TLE4: variants seen among roughly 807,000 people sequenced by gnomAD.
TLE4 encodes TLE family member 4, transcriptional corepressor.
TLE4 carries 8 observed loss-of-function variants against 92.8 expected under a neutral mutation model. The ratio of observed to expected loss-of-function variants is 0.09; its 90% CI spans 0.05 to 0.16. The LOEUF (loss-of-function observed/expected upper bound fraction) is 0.16. Ranked by LOEUF, TLE4 falls within the 10% of genes least tolerant of loss-of-function variation. TLE4 has a pLI of 1.00. For synonymous variants in TLE4, 371 were observed against 374.1 expected (o/e 0.99, Z 0.10); for missense variants, 675 against 997.6 (o/e 0.68, Z 4.36).
intron 4 of TLE4, chr9:79,576,434 A>G (rs779812712): frequency 7.3e-6 from 2 of 275,020 alleles, no homozygotes; most frequent in African/African-American, 2.2e-5. Flanking sequence ...CAAAAGCAGG[A>G]TGCTAAATTT....
intron 6 of TLE4, among the ~76,000 whole-genome samples, chr9:79,648,962 A>G (rs2058510146): frequency 6.6e-6 from 1 of 152,156 alleles, no homozygotes. Flanking sequence ...ATCAAGAAGG[A>G]TATACAACTG....
At chr9:79,711,456 G>A (rs1381738657) in intron 14 of TLE4, among the ~76,000 whole-genome samples, 1 of 152,178 alleles carries the variant, frequency 6.6e-6, no homozygotes, top group Non-Finnish European at 1.5e-5. Context: ...ATACCTACAA[G>A]TTCCATATGA....
chr9:79,708,462 CT>C (rs1565100992), intron 12 of TLE4, 130 bp from the exon 13 acceptor site: 1 of 1,124,406 alleles, frequency 8.9e-7, no homozygotes, highest in East Asian at 2.4e-5. Flanking sequence ...ATTCTGAAGG[CT>C]TGAATGACTT....
intron 8 of TLE4, chr9:79,693,788 A>C: frequency 2.9e-6 from 1 of 343,946 alleles, no homozygotes; most frequent in Admixed American, 4.3e-5. Context: ...AAAGCGCATC[A>C]CTGAGCTAGC....
chr9:79,688,279 T>A (rs2066314966), intron 8 of TLE4, among the ~76,000 whole-genome samples: 2 of 152,186 alleles, frequency 1.3e-5, no homozygotes, highest in Non-Finnish European at 2.9e-5. Flanking sequence ...TAATTAGAAT[T>A]AGCCTTCAGG....
At chr9:79,616,079 A>T (rs1026839602) in intron 5 of TLE4, among the ~76,000 whole-genome samples, 6 of 152,178 alleles carry the variant, frequency 3.9e-5, no homozygotes, top group Non-Finnish European at 5.9e-5. Context: ...TTCTTCAAAA[A>T]GCCATCTCAA....
chr9:79,720,677 C>T (rs932272933), intron 16 of TLE4, among the ~76,000 whole-genome samples: 10 of 152,194 alleles, frequency 6.6e-5, no homozygotes, highest in African/African-American at 2.4e-4. Flanking sequence ...AATTTGCCAT[C>T]TGTGCTTGCT....
At chr9:79,654,423 G>A (rs986468634) in intron 8 of TLE4, among the ~76,000 whole-genome samples, 6 of 151,538 alleles carry the variant, frequency 4.0e-5, no homozygotes, top group Non-Finnish European at 7.4e-5. Flanking sequence ...GGTTTGTAAA[G>A]AGATACATAT....
chr9:79,688,409 G>A (rs1485155049), intron 8 of TLE4, among the ~76,000 whole-genome samples: 1 of 151,950 alleles, frequency 6.6e-6, no homozygotes, highest in Non-Finnish European at 1.5e-5. Context: ...GCTTTATGTG[G>A]CGTTCTTGGG....
chr9:79,646,240 A>G (rs949692273), intron 6 of TLE4, among the ~76,000 whole-genome samples: 15 of 152,170 alleles, frequency 9.9e-5, no homozygotes, highest in Admixed American at 9.2e-4. Flanking sequence ...ATAAAGTAGA[A>G]TATCTTTGCA....
intron 10 of TLE4, among the ~76,000 whole-genome samples, chr9:79,706,450 T>C (rs184064185): frequency 2.6e-5 from 4 of 152,138 alleles, no homozygotes; most frequent in Middle Eastern, 3.4e-3. Context: ...TCTACTGCAG[T>C]GAAGGCACAC....
At position 79,725,216 on chromosome 9, in the gene TLE4, C is replaced by A; in HGVS notation, c.*72C>A. ...GCTCTGTCATCCTTTTTGTTCACCC[C>A]CATCCCCGCATCTAAAACCAAGGAT... On this transcript the variant is annotated 3_prime_UTR_variant, in exon 20 of 20. Coordinates refer to ENST00000376552, the MANE Select transcript of TLE4 (RefSeq NM_007005.6). 1 of 1,086,656 alleles carries A rather than the reference C, an allele frequency of 9.2e-7. No homozygotes were observed. The highest frequency in any genetic ancestry group is 1.4e-6 in the Non-Finnish European group (1 of 718,994). The allele number at this position is 1,086,656 out of a possible 1,614,324, so 67.3% of individuals were successfully genotyped here. A position where few individuals can be genotyped will look rare whatever the true frequency, so the allele number is the denominator to read the frequency against.
chr9:79,685,060 T>G (rs1056461309), intron 8 of TLE4, among the ~76,000 whole-genome samples: 1 of 152,154 alleles, frequency 6.6e-6, no homozygotes. Context: ...TTCTCATAGC[T>G]GCACTAGAAC....
At chr9:79,719,793 G>A (rs561496367) in intron 15 of TLE4, among the ~76,000 whole-genome samples, 17 of 152,248 alleles carry the variant, frequency 1.1e-4, no homozygotes, top group Admixed American at 2.0e-4. Flanking sequence ...GGTGGTGGTG[G>A]GAGTGGGTCT....
intron 14 of TLE4, chr9:79,717,974 C>T (rs961392154): frequency 1.1e-5 from 5 of 456,466 alleles, no homozygotes; most frequent in Non-Finnish European, 2.2e-5. Context: ...GGGGGAGACG[C>T]TCTTACTTAA....
At chr9:79,710,906 G>T (rs2073113337) in intron 14 of TLE4, among the ~76,000 whole-genome samples, 1 of 152,122 alleles carries the variant, frequency 6.6e-6, no homozygotes, top group African/African-American at 2.4e-5. Flanking sequence ...TCATAGTGGT[G>T]CTCACGGTAT....
chr9:79,656,986 C>T (rs1564694602), intron 8 of TLE4, among the ~76,000 whole-genome samples: 2 of 152,142 alleles, frequency 1.3e-5, no homozygotes, highest in African/African-American at 4.8e-5. Flanking sequence ...TAGCCAAGTT[C>T]ATTCCTAAGC....
intron 19 of TLE4, among the ~76,000 whole-genome samples, chr9:79,723,451 G>C (rs963275917): frequency 4.6e-5 from 7 of 152,140 alleles, no homozygotes; most frequent in African/African-American, 1.7e-4. Flanking sequence ...TTATGGAAAA[G>C]TTTGATAAAA....
At chr9:79,615,050 A>C (rs1422458913) in intron 5 of TLE4, among the ~76,000 whole-genome samples, 2 of 152,184 alleles carry the variant, frequency 1.3e-5, no homozygotes, top group African/African-American at 4.8e-5. Context: ...TGTGAGACAC[A>C]AACATGTTTG....
Sources: gnomAD v4.1 joint callset for allele counts (sites outside exome capture counted in the v4.1 genomes callset) on GRCh38, gnomAD v4.1.1 for gene constraint, MANE v1.5 for transcripts, NCBI Gene and HGNC (gene_info 2026-07-23, HGNC 2026-07-21) for gene names.